The following MCPH1 variants were observed in gnomAD, a reference collection of about 807,000 sequenced individuals.
MCPH1 encodes the protein microcephalin 1.
In MCPH1, 104 loss-of-function variants were observed where a neutral mutation model predicts 84.5. The observed-to-expected ratio is 1.23, with a 90% CI of 1.05 to 1.45. The LOEUF (loss-of-function observed/expected upper bound fraction) is 1.45, where lower values mean the gene tolerates loss of function less well. Among genes scored for constraint, MCPH1 ranks in the 40% most tolerant of loss-of-function variants. The pLI is 0.00. For synonymous variants in MCPH1, 514 were observed against 366.8 expected (o/e 1.40, Z -4.58); for missense variants, 1,498 against 1,005.7 (o/e 1.49, Z -6.62).
chr8:6,595,697 A>G (rs920785865), intron 12 of MCPH1, among the ~76,000 whole-genome samples: 2 of 152,030 alleles, frequency 1.3e-5, no homozygotes, highest in African/African-American at 2.4e-5. Flanking sequence ...TCAGAGCATC[A>G]TTCCATCTGC....
intron 12 of MCPH1, among the ~76,000 whole-genome samples, chr8:6,583,445 C>A (rs1827725036): frequency 6.6e-6 from 1 of 152,200 alleles, no homozygotes; most frequent in Non-Finnish European, 1.5e-5. Flanking sequence ...ATAAAACCGA[C>A]AAAATTCTTG....
chr8:6,443,715 G>A (rs1405636622), intron 7 of MCPH1, among the ~76,000 whole-genome samples: 1 of 152,228 alleles, frequency 6.6e-6, no homozygotes, highest in Non-Finnish European at 1.5e-5. Flanking sequence ...AAGGGCAGTG[G>A]GAGGGTCCCA....
intron 11 of MCPH1, chr8:6,494,251 T>C (rs1810991304): frequency 6.6e-6 from 1 of 152,252 alleles, no homozygotes; most frequent in South Asian, 2.1e-4. Flanking sequence ...AAATGGTGAA[T>C]TTTGAATTTG....
At chr8:6,585,352 T>C (rs1827885299) in intron 12 of MCPH1, among the ~76,000 whole-genome samples, 1 of 152,204 alleles carries the variant, frequency 6.6e-6, no homozygotes, top group Non-Finnish European at 1.5e-5. Context: ...TTTGGGTGGA[T>C]ACTGCAGGGA....
At chr8:6,596,980 G>A (rs562126822) in intron 12 of MCPH1, among the ~76,000 whole-genome samples, 1 of 152,286 alleles carries the variant, frequency 6.6e-6, no homozygotes, top group Admixed American at 6.5e-5. Context: ...TAAATCAGCG[G>A]AGAATCTAAA....
chr8:6,459,647 A>C (rs913497101), intron 9 of MCPH1, among the ~76,000 whole-genome samples: 7 of 152,226 alleles, frequency 4.6e-5, no homozygotes, highest in Admixed American at 3.3e-4. Flanking sequence ...TTTTCACTTG[A>C]GAGCCAGCCT....
intron 12 of MCPH1, among the ~76,000 whole-genome samples, chr8:6,557,935 TC>T (rs1278606765): frequency 3.3e-5 from 5 of 152,142 alleles, no homozygotes; most frequent in Admixed American, 3.3e-4. Flanking sequence ...CCACCTCCTT[TC>T]TTCCCTGTCA....
rs749652456 is a variant in MCPH1 at position 6,509,078 on chromosome 8, G to C, written c.2214+9149G>C. 6.2e-7 allele frequency: 1 copy of C among 1,603,728 alleles called. No homozygotes were observed. The highest frequency in any genetic ancestry group is 1.7e-5 in the Admixed American group (1 of 57,190). ...AAGGTGAATCCTGTAAGCGTGCAAA[G>C]AAAAAAAACACATTGGCTAGGGTCA... On this transcript the variant is annotated intron_variant, in intron 12 of 13. Transcript: ENST00000344683.
chr8:6,436,608 C>A (rs1802671419), intron 5 of MCPH1, among the ~76,000 whole-genome samples: 1 of 151,442 alleles, frequency 6.6e-6, no homozygotes, highest in African/African-American at 2.4e-5. Context: ...TGTTCTATAA[C>A]AAGATGTCTT....
At chr8:6,632,574 C>T (rs1041148081) in intron 13 of MCPH1, among the ~76,000 whole-genome samples, 1 of 152,134 alleles carries the variant, frequency 6.6e-6, no homozygotes, top group Non-Finnish European at 1.5e-5. Flanking sequence ...CTTTGGAAGG[C>T]CGAGGGGGGC....
chr8:6,620,213 G>C (rs1011100479), intron 12 of MCPH1: 4 of 152,164 alleles, frequency 2.6e-5, no homozygotes, highest in Non-Finnish European at 5.9e-5. Flanking sequence ...CTGAGGCTCG[G>C]TATTTATTAT....
At chr8:6,412,734 C>G (rs1401160282) in intron 2 of MCPH1, among the ~76,000 whole-genome samples, 4 of 152,206 alleles carry the variant, frequency 2.6e-5, no homozygotes, top group Non-Finnish European at 5.9e-5. Flanking sequence ...ACTCATCTCT[C>G]TAGGTGTCAG....
intron 9 of MCPH1, among the ~76,000 whole-genome samples, chr8:6,465,799 A>G (rs1806824119): frequency 6.6e-6 from 1 of 152,226 alleles, no homozygotes; most frequent in African/African-American, 2.4e-5. Context: ...AGACACACAG[A>G]AATGCACAGC....
Position 6,541,847 on chromosome 8 carries a change from T to G in MCPH1, c.2214+41918T>G, listed in dbSNP as rs114930623. Among the ~76,000 whole-genome samples the G allele has an allele frequency of 7.6e-3, 1,154 of 151,768 alleles. 21 individuals are homozygous for G. Among genetic ancestry groups the G allele is most frequent in the African/African-American group, 0.027 (1,098 of 41,356 alleles). On this transcript the variant is annotated intron_variant, in intron 12 of 13. Coordinates refer to ENST00000344683, the MANE Select transcript of MCPH1 (RefSeq NM_024596.5). Reference sequence around the variant, plus strand: ...GGCGAGACTCCATCTCTACAGAAAATTTTTTTAAAAATTAGCTGGACATGG... The same window carrying G: ...GGCGAGACTCCATCTCTACAGAAAAGTTTTTTAAAAATTAGCTGGACATGG...
chr8:6,575,353 A>T (rs1050689226), intron 12 of MCPH1, among the ~76,000 whole-genome samples: 1 of 152,202 alleles, frequency 6.6e-6, no homozygotes, highest in African/African-American at 2.4e-5. Flanking sequence ...CAGCTCCATT[A>T]TGAGGGACCC....
chr8:6,621,669 TC>T lies in MCPH1; in HGVS notation c.2431del (p.Leu811CysfsTer7). On this transcript the variant is annotated frameshift_variant, in exon 13 of 14. Coordinates refer to ENST00000344683, the MANE Select transcript of MCPH1 (RefSeq NM_024596.5). LOFTEE classifies it high-confidence loss of function. ...SGKKKATVKY[L>X]SEKWVLDSIT... is the part of the protein sequence containing the mutation. ...GAAAGAAGAAAGCCACAGTCAAGTA[TC>T]TGTCTGAGAAATGGGTCTTAGGTAA... 2 of 1,614,172 alleles carry T rather than the reference TC, an allele frequency of 1.2e-6. No homozygotes were observed. Among genetic ancestry groups the T allele is most frequent in the Non-Finnish European group, 1.7e-6 (2 of 1,180,030 alleles).
At chr8:6,458,238 T>C (rs920207824) in intron 9 of MCPH1, among the ~76,000 whole-genome samples, 1 of 152,076 alleles carries the variant, frequency 6.6e-6, no homozygotes, top group Non-Finnish European at 1.5e-5. Context: ...TTTGGGAGGC[T>C]GAGGTGGGCA....
chr8:6,571,468 C>G (rs1220103847), intron 12 of MCPH1, among the ~76,000 whole-genome samples: 1 of 152,116 alleles, frequency 6.6e-6, no homozygotes, highest in Non-Finnish European at 1.5e-5. Flanking sequence ...AAAATATGTC[C>G]AGTCTCTTTG....
chr8:6,408,111 A>G (rs900935996), intron 1 of MCPH1, among the ~76,000 whole-genome samples: 1 of 152,248 alleles, frequency 6.6e-6, no homozygotes, highest in Non-Finnish European at 1.5e-5. Context: ...AATTAAGCGT[A>G]AGAATTTGGG....
Sources: allele counts gnomAD v4.1 joint callset (sites outside exome capture counted in the v4.1 genomes callset), GRCh38; gene constraint gnomAD v4.1.1; transcripts MANE v1.5; gene names NCBI Gene and HGNC (gene_info 2026-07-23, HGNC 2026-07-21).